NCOR2: variants seen among roughly 807,000 people sequenced by gnomAD.
The protein encoded by NCOR2 is nuclear receptor corepressor 2.
A neutral mutation model predicts 262.9 loss-of-function variants in NCOR2; 81 were observed. The ratio of observed to expected loss-of-function variants is 0.31; its 90% confidence interval spans 0.26 to 0.37. NCOR2 has a LOEUF of 0.37. Ranked by LOEUF, NCOR2 falls within the 10% of genes least tolerant of loss-of-function variation. The pLI is 1.00. For synonymous variants in NCOR2, 1,659 were observed against 1,559.3 expected, an observed-to-expected ratio of 1.06 and a Z score of -1.51; for missense variants, 3,385 against 3,621.4, an observed-to-expected ratio of 0.93 and a Z score of 1.68.
At chr12:124,493,739 T>A (rs1437385372) in intron 1 of NCOR2, among the ~76,000 whole-genome samples, 2 of 152,156 alleles carry the variant, frequency 1.3e-5, no homozygotes, top group African/African-American at 4.8e-5. Context: ...TGACAAAATA[T>A]AAAATCATTT....
Position 124,332,249 on chromosome 12 carries a change from C to G in NCOR2, c.6904+70G>C. Reference sequence around the variant, plus strand: ...CGTGGGTTTCTGCCACTGGGCGGCTCCAGCTGCCCAGGCAGGCCACCCGCC... The same window carrying G: ...CGTGGGTTTCTGCCACTGGGCGGCTGCAGCTGCCCAGGCAGGCCACCCGCC... On this transcript the variant is annotated intron_variant, in intron 43 of 46. Transcript: ENST00000405201. 3 of 1,584,806 alleles carry G rather than the reference C, an allele frequency of 1.9e-6. No individual in the cohort carries two copies. The South Asian group carries it at 3.3e-5, about 18-fold the overall frequency.
In NCOR2 at chr12:124,332,329, C is replaced by T. The variant is rs747923000; in HGVS notation, c.6894G>A (p.Glu2298=). Residue 2298 remains glutamate (E), a synonymous_variant, in exon 43 of 47, where the codon GAG becomes GAA. Transcript: ENST00000405201. ...CTGCAGGCCCCTTACTGTATTCAGG[C>T]TCATTCCGGTTGTGGGTGTTCAGCT... is the stretch of plus-strand genomic sequence containing the variant. 14 of 1,614,060 alleles carry T rather than the reference C, an allele frequency of 8.7e-6. No homozygotes were observed. In the East Asian group the frequency reaches 2.9e-4, roughly 33 times the overall value.
At chr12:124,509,237 G>GGGGC (rs1555234141) in intron 1 of NCOR2, among the ~76,000 whole-genome samples, 1 of 100,318 alleles carries the variant, frequency 1.0e-5, no homozygotes, top group Non-Finnish European at 2.5e-5. Context: ...GGCTTTGGTG[G>GGGGC]GGGGGGGGGG....
chr12:124,334,492 G>T, exon 41 of NCOR2: 2 of 1,454,352 alleles, frequency 1.4e-6, no homozygotes, highest in Non-Finnish European at 1.8e-6. Flanking sequence ...GGAGGTAGAG[G>T]TCACTGGGTG....
chr12:124,466,399 G>A (rs898577713), intron 4 of NCOR2, 113 bp from the exon 7 acceptor site: 4 of 884,754 alleles, frequency 4.5e-6, no homozygotes, highest in East Asian at 5.8e-5. Flanking sequence ...CCGCGCACAG[G>A]AAGTCAGGCT....
chr12:124,325,421 G>A, exon 47 of NCOR2: 1 of 1,311,330 alleles, frequency 7.6e-7, no homozygotes, highest in Non-Finnish European at 9.8e-7. Context: ...GTCGGAGAGT[G>A]TCTCGTACTG....
intron 1 of NCOR2, among the ~76,000 whole-genome samples, chr12:124,564,720 C>T (rs2052177814): frequency 6.6e-6 from 1 of 152,146 alleles, no homozygotes; most frequent in South Asian, 2.1e-4. Flanking sequence ...CCGAGTGAAG[C>T]ACCAACTTCT....
rs1467338394 is a variant in NCOR2 at position 124,481,014 on chromosome 12, C to T, written c.411+2582G>A. 2.7e-5 allele frequency among the ~76,000 whole-genome samples: 4 copies of T among 149,902 alleles called. No individual in the cohort carries two copies. Among genetic ancestry groups the T allele is most frequent in the Non-Finnish European group, 5.9e-5 (4 of 67,578 alleles). On this transcript the variant is annotated intron_variant, in intron 3 of 46. Transcript: ENST00000405201. This position sits in a 1 kb window ranked among gnomAD's most constrained non-coding sequence, Gnocchi z 4.6. Reference sequence around the variant, plus strand: ...CCGCAGGCAGATGGGCTGGGTGGCGCTGGGTGGTGGCTGGGAGTGGCTCTG... The same window carrying T: ...CCGCAGGCAGATGGGCTGGGTGGCGTTGGGTGGTGGCTGGGAGTGGCTCTG...
exon 22 of NCOR2, chr12:124,362,129 CCTT>C (rs2038639802): frequency 3.8e-6 from 5 of 1,300,160 alleles, no homozygotes; most frequent in South Asian, 3.2e-5. Flanking sequence ...CACTCACCCT[CCTT>C]GTCGGCGGGG....
rs138335910 is a variant in NCOR2, at chr12:124,409,103, C to T, written c.1483-6542G>A. Among the ~76,000 whole-genome samples the T allele has an allele frequency of 7.2e-4, 110 of 152,356 alleles. 1 individual carries two copies. In the East Asian group the frequency reaches 0.018, roughly 26 times the overall value. ...GGCAGAAAGATGCGTGTCGACAGAA[C>T]GTGAGCAACATTTAACACGCACATG... is the stretch of plus-strand genomic sequence containing the variant. On this transcript the variant is annotated intron_variant, in intron 13 of 46. Coordinates refer to ENST00000405201, the Ensembl canonical transcript of NCOR2.
rs375100161 is a variant in NCOR2, at chr12:124,517,170, A to G, written c.-118+18395T>C. 2.0e-5 allele frequency among the ~76,000 whole-genome samples: 3 copies of G among 152,230 alleles called. No individual in the cohort carries two copies. The highest frequency in any genetic ancestry group is 4.2e-4 in the South Asian group (2 of 4,818). ...TCTGCAAAGGGGAGGCAACACGCCCAAGGTCACACAGCATAGAGAGGACGG... is the reference window on the plus strand; with the variant it reads ...TCTGCAAAGGGGAGGCAACACGCCCGAGGTCACACAGCATAGAGAGGACGG... On this transcript the variant is annotated intron_variant, in intron 1 of 46. Transcript: ENST00000404621. This position sits in a 1 kb window ranked among gnomAD's most constrained non-coding sequence, Gnocchi z 7.6.
At position 124,372,005 on chromosome 12, in the gene NCOR2, G is replaced by A. The variant is rs780370514; in HGVS notation, c.2807+17C>T. ...GCAGACAAAAGCCAAGGTTAGGGCT[G>A]CCTGGCGCCCACTCACCGGTTCTTG... On this transcript the variant is annotated intron_variant, in intron 20 of 46. Coordinates refer to ENST00000405201, the Ensembl canonical transcript of NCOR2. The A allele has an allele frequency of 5.1e-6, 8 of 1,570,308 alleles. No homozygotes were observed. The highest frequency in any genetic ancestry group is 6.0e-6 in the Non-Finnish European group (7 of 1,159,836).
intron 5 of NCOR2, among the ~76,000 whole-genome samples, chr12:124,462,629 G>A (rs2046227806): frequency 6.6e-6 from 1 of 152,342 alleles, no homozygotes; most frequent in East Asian, 1.9e-4. Context: ...GCCAGAGGTG[G>A]GGGCCTGGCC....
chr12:124,509,513 A>C (rs1167533542), intron 1 of NCOR2, among the ~76,000 whole-genome samples: 1 of 152,110 alleles, frequency 6.6e-6, no homozygotes, highest in African/African-American at 2.4e-5. Context: ...TAAGATAGCA[A>C]CCCTCCTAAA....
At chr12:124,351,146 T>A (rs904507513) in intron 27 of NCOR2, among the ~76,000 whole-genome samples, 4 of 152,210 alleles carry the variant, frequency 2.6e-5, no homozygotes, top group Non-Finnish European at 5.9e-5. Flanking sequence ...CTGGAGTCTG[T>A]GTCCCCACCA....
chr12:124,401,862 C>G (rs569479846), intron 14 of NCOR2, among the ~76,000 whole-genome samples: 1 of 152,218 alleles, frequency 6.6e-6, no homozygotes. Flanking sequence ...GTGCCGCCCC[C>G]CTTTCTCCAG....
intron 29 of NCOR2, 58 bp from the exon 32 acceptor site, chr12:124,347,969 T>C (rs944278032): frequency 1.6e-5 from 24 of 1,512,072 alleles, no homozygotes; most frequent in Non-Finnish European, 2.0e-5. Flanking sequence ...CACTGGGCAG[T>C]GACAGGGGTC....
At position 124,457,108 on chromosome 12, in the gene NCOR2, G is replaced by A. The variant is rs2045919631; in HGVS notation, c.760C>T (p.Leu254=). ...CCTGACCCTGTACCCCAGCTCACCAGCTCCACCTGGGGCCCCAGGCCTTCC... is the reference window on the plus strand; with the variant it reads ...CCTGACCCTGTACCCCAGCTCACCAACTCCACCTGGGGCCCCAGGCCTTCC... Residue 254 remains leucine (L), a splice_region_variant and synonymous_variant, in exon 6 of 47, where the codon CTG becomes TTG. Transcript: ENST00000405201. This position sits in a 1 kb window ranked among gnomAD's most constrained non-coding sequence, Gnocchi z 4.0. 2 of 1,236,034 alleles carry A rather than the reference G, an allele frequency of 1.6e-6. No homozygotes were observed. The highest frequency in any genetic ancestry group is 3.6e-5 in the African/African-American group (2 of 55,622). 76.6% of individuals were successfully genotyped at this position (1,236,034 alleles called of 1,614,324 possible).
At chr12:124,343,261 G>A (rs187646046) in intron 32 of NCOR2, 35 bp from the exon 35 acceptor site, 1 of 1,581,824 alleles carries the variant, frequency 6.3e-7, no homozygotes, top group African/African-American at 1.3e-5. Context: ...TCGGGCCTCT[G>A]GGGCTGGCAT....
Sources: allele counts gnomAD v4.1 joint callset (sites outside exome capture counted in the v4.1 genomes callset), GRCh38; gene constraint gnomAD v4.1.1; non-coding constraint Gnocchi (gnomAD v3.1); transcripts MANE v1.5; gene names NCBI Gene and HGNC (gene_info 2026-07-23, HGNC 2026-07-21).